The following SGCZ variants were observed in gnomAD, a reference collection of about 807,000 sequenced individuals.
SGCZ encodes the protein sarcoglycan zeta.
SGCZ carries 40 observed loss-of-function variants against 41.3 expected under a neutral mutation model. That is an observed-to-expected ratio of 0.97 (90% CI 0.75 to 1.26). SGCZ has a LOEUF of 1.26. Among genes scored for constraint, SGCZ ranks in the 50% most tolerant of loss-of-function variants. The pLI, the probability that SGCZ is intolerant of heterozygous loss-of-function variation, is 0.00. For missense variants in SGCZ, 552 were observed against 369.8 expected, an observed-to-expected ratio of 1.49 and a Z score of -4.04; for synonymous variants, 206 against 137.5, an observed-to-expected ratio of 1.50 and a Z score of -3.49.
Position 15,099,268 on chromosome 8 carries a change from T to C in SGCZ, c.39+138317A>G, listed in dbSNP as rs191521599. 1.4e-4 allele frequency among the ~76,000 whole-genome samples: 22 copies of C among 152,164 alleles called. No homozygotes were observed. The East Asian group carries it at 4.2e-3, about 29-fold the overall frequency. ...TAAAAATAGAGCAACCAAATATATA[T>C]GTAAAAAAATACTAAAATGGAAATT... is the stretch of plus-strand genomic sequence containing the variant. On this transcript the variant is annotated intron_variant, in intron 1 of 7. Coordinates refer to ENST00000382080, the MANE Select transcript of SGCZ (RefSeq NM_139167.4).
chr8:15,172,248 G>C (rs1191749976), intron 1 of SGCZ, among the ~76,000 whole-genome samples: 1 of 130,114 alleles, frequency 7.7e-6, no homozygotes, highest in Non-Finnish European at 1.5e-5. Flanking sequence ...TGCAAGCTCC[G>C]CCTCCCGGGT....
chr8:14,659,557 C>T (rs764141618), intron 1 of SGCZ, among the ~76,000 whole-genome samples: 12 of 152,106 alleles, frequency 7.9e-5, no homozygotes, highest in Non-Finnish European at 1.8e-4. Flanking sequence ...GCCAAATACA[C>T]GTAATGGCAA....
At chr8:14,193,976 T>C (rs946044703) in intron 4 of SGCZ, among the ~76,000 whole-genome samples, 2 of 151,808 alleles carry the variant, frequency 1.3e-5, no homozygotes, top group Admixed American at 6.6e-5. Context: ...CTACATAACA[T>C]AACTAGAATT....
At chr8:14,540,356 AT>A (rs1199526268) in intron 2 of SGCZ, among the ~76,000 whole-genome samples, 1 of 149,482 alleles carries the variant, frequency 6.7e-6, no homozygotes, top group Non-Finnish European at 1.5e-5. Context: ...TACTATGAGA[AT>A]TTTTATGGCT....
intron 1 of SGCZ, among the ~76,000 whole-genome samples, chr8:14,833,660 G>A (rs566886886): frequency 7.5e-4 from 114 of 152,268 alleles, no homozygotes; most frequent in African/African-American, 2.6e-3. Flanking sequence ...AGATGGGGAC[G>A]AAGGAAGGGG....
chr8:14,623,042 T>C (rs946707741), intron 1 of SGCZ, among the ~76,000 whole-genome samples: 2 of 152,136 alleles, frequency 1.3e-5, no homozygotes, highest in African/African-American at 2.4e-5. Flanking sequence ...GGCAGAATTC[T>C]CTCCAGGAAC....
intron 1 of SGCZ, among the ~76,000 whole-genome samples, chr8:14,928,791 C>A (rs6982108): frequency 0.42 from 63,253 of 151,726 alleles, 13,498 homozygotes; most frequent in East Asian, 0.5. Flanking sequence ...GACAGCTTTG[C>A]GTATGTAATT....
chr8:14,837,185 C>G (rs377246590), intron 1 of SGCZ, among the ~76,000 whole-genome samples: 2 of 152,062 alleles, frequency 1.3e-5, no homozygotes, highest in Admixed American at 1.3e-4. Context: ...AGAAAATAAG[C>G]AGTAAATATG....
At chr8:14,802,517 C>A (rs1177075736) in intron 1 of SGCZ, among the ~76,000 whole-genome samples, 2 of 152,140 alleles carry the variant, frequency 1.3e-5, no homozygotes, top group African/African-American at 4.8e-5. Flanking sequence ...GATTCAAAAT[C>A]ACCATTTAAT....
intron 1 of SGCZ, among the ~76,000 whole-genome samples, chr8:15,065,836 G>T (rs1805118617): frequency 6.6e-6 from 1 of 152,122 alleles, no homozygotes. Context: ...CTAGCACTTA[G>T]CACGTGGTAG....
At chr8:15,130,904 A>T (rs1807872733) in intron 1 of SGCZ, among the ~76,000 whole-genome samples, 1 of 152,148 alleles carries the variant, frequency 6.6e-6, no homozygotes. Flanking sequence ...ACACATCCCC[A>T]TCCATTTTAT....
chr8:14,635,685 G>C (rs1325836925), intron 1 of SGCZ, among the ~76,000 whole-genome samples: 1 of 151,672 alleles, frequency 6.6e-6, no homozygotes, highest in Non-Finnish European at 1.5e-5. Context: ...AGATGGAAAA[G>C]TGATTAAATT....
intron 1 of SGCZ, among the ~76,000 whole-genome samples, chr8:14,662,355 C>A (rs1201873111): frequency 6.6e-6 from 1 of 152,172 alleles, no homozygotes; most frequent in Non-Finnish European, 1.5e-5. Context: ...TTTGTTTCCT[C>A]ATGTGAAATG....
chr8:14,466,567 T>G (rs2116966883), intron 2 of SGCZ, among the ~76,000 whole-genome samples: 1 of 152,030 alleles, frequency 6.6e-6, no homozygotes, highest in African/African-American at 2.4e-5. Flanking sequence ...CCTCTTCATC[T>G]GGGACTCTCA....
intron 2 of SGCZ, among the ~76,000 whole-genome samples, chr8:14,458,198 G>A (rs573735724): frequency 6.6e-6 from 1 of 151,946 alleles, no homozygotes; most frequent in Admixed American, 6.6e-5. Flanking sequence ...ACAATGTGTG[G>A]GGAATAAAAA....
rs1241650763 is a variant in SGCZ, at chr8:14,367,290, T to G, written c.235-43086A>C. On this transcript the variant is annotated intron_variant, in intron 2 of 7. Coordinates refer to ENST00000382080, the MANE Select transcript of SGCZ (RefSeq NM_139167.4). The stretch of plus-strand genomic sequence containing the variant: ...CATTATCCATATCACTATTAGCATT[T>G]TGGTCAAAGCCATTTGACATGTCTC... Among the ~76,000 whole-genome samples, 4 of 152,076 alleles carry G rather than the reference T, an allele frequency of 2.6e-5. No individual in the cohort carries two copies. The East Asian group carries it at 7.7e-4, about 29-fold the overall frequency.
At chr8:15,150,408 G>T (rs932342863) in intron 1 of SGCZ, among the ~76,000 whole-genome samples, 1 of 152,152 alleles carries the variant, frequency 6.6e-6, no homozygotes, top group African/African-American at 2.4e-5. Context: ...CATTGAAAAG[G>T]TTTCCTTCGA....
intron 1 of SGCZ, among the ~76,000 whole-genome samples, chr8:14,724,351 C>G (rs559132243): frequency 1.3e-5 from 2 of 151,690 alleles, no homozygotes; most frequent in East Asian, 3.9e-4. Context: ...TTTCCTATTT[C>G]TATTGTGAAG....
intron 2 of SGCZ, among the ~76,000 whole-genome samples, chr8:14,443,410 A>G (rs547907014): frequency 1.3e-5 from 2 of 152,288 alleles, no homozygotes; most frequent in Admixed American, 6.5e-5. Context: ...ACTTCAAACT[A>G]TACTACAAGG....
Sources: gnomAD v4.1 joint callset for allele counts (sites outside exome capture counted in the v4.1 genomes callset) on GRCh38, gnomAD v4.1.1 for gene constraint, MANE v1.5 for transcripts, NCBI Gene and HGNC (gene_info 2026-07-23, HGNC 2026-07-21) for gene names.